Variants in ZNF675 observed in about 807,000 individuals in gnomAD.
The protein encoded by ZNF675 is zinc finger protein 675.
A neutral mutation model predicts 56.1 loss-of-function variants in ZNF675; 36 were observed. The observed-to-expected ratio is 0.64, with a 90% CI of 0.49 to 0.85. The LOEUF (loss-of-function observed/expected upper bound fraction) is 0.85. Ranked by LOEUF, ZNF675 falls within the 40% of genes least tolerant of loss-of-function variation. ZNF675 has a pLI of 0.00. For synonymous variants in ZNF675, 200 were observed against 218.9 expected (o/e 0.91, Z 0.76); for missense variants, 663 against 654.2 (o/e 1.01, Z -0.15).
intron 1 of ZNF675, among the ~76,000 whole-genome samples, chr19:23,663,470 T>A (rs1468761685): frequency 6.6e-6 from 1 of 152,156 alleles, no homozygotes; most frequent in Non-Finnish European, 1.5e-5. Context: ...GGCGGGCAGA[T>A]TACCTGAGGT....
chr19:23,662,987 G>GA, intron 2 of ZNF675, 45 bp downstream of exon 2: 3 of 1,372,902 alleles, frequency 2.2e-6, no homozygotes, highest in African/African-American at 5.3e-5. Context: ...CGTCTCAAAA[G>GA]AAAAACAAAA....
chr19:23,660,832 A>G (rs1968066609), intron 3 of ZNF675, among the ~76,000 whole-genome samples: 1 of 152,220 alleles, frequency 6.6e-6, no homozygotes, highest in South Asian at 2.1e-4. Context: ...AATAAAAAAT[A>G]TAATTCTAAA....
chr19:23,655,042 T>G (rs996602604), intron 3 of ZNF675: 3 of 171,546 alleles, frequency 1.7e-5, no homozygotes, highest in Non-Finnish European at 1.2e-5. Flanking sequence ...AAGACCAGCC[T>G]GGCCAACATA....
intron 3 of ZNF675, chr19:23,656,988 A>C (rs1051173306): frequency 2.1e-4 from 32 of 152,310 alleles, no homozygotes; most frequent in African/African-American, 7.5e-4. Context: ...AAGTTTGAGT[A>C]AAGTGGCACA....
chr19:23,657,653 G>A (rs998647184), intron 3 of ZNF675, among the ~76,000 whole-genome samples: 1 of 152,158 alleles, frequency 6.6e-6, no homozygotes, highest in African/African-American at 2.4e-5. Flanking sequence ...GGAGGCAGAG[G>A]TTGCAGTGGG....
At chr19:23,682,738 A>T (rs986723393) in intron 1 of ZNF675, among the ~76,000 whole-genome samples, 2 of 151,780 alleles carry the variant, frequency 1.3e-5, no homozygotes, top group African/African-American at 4.9e-5. Context: ...TGGTGTCTGA[A>T]ACTATGTGTT....
rs530740271 is a variant in ZNF675, at chr19:23,683,907, T to C, written c.3+3124A>G. On this transcript the variant is annotated intron_variant, in intron 1 of 3. Transcript: ENST00000359788. ...TCTGAAACCCAACTCTTACATGCTC[T>C]TTGCACATATTTTCTTCCCTTTCAA... 1.4e-4 allele frequency among the ~76,000 whole-genome samples: 22 copies of C among 152,256 alleles called. 1 individual carries two copies. The Middle Eastern group carries it at 0.027, about 188-fold the overall frequency.
intron 1 of ZNF675, among the ~76,000 whole-genome samples, chr19:23,682,132 A>C (rs1251643245): frequency 6.6e-6 from 1 of 151,742 alleles, no homozygotes; most frequent in Admixed American, 6.6e-5. Flanking sequence ...AATACTTCTT[A>C]ATCAAACTTC....
At chr19:23,667,672 T>G (rs531383756) in intron 1 of ZNF675, among the ~76,000 whole-genome samples, 42 of 148,610 alleles carry the variant, frequency 2.8e-4, no homozygotes, top group South Asian at 1.1e-3. Flanking sequence ...AGATACAGAG[T>G]GTCAATTGGT....
chr19:23,686,592 CT>C, intron 1 of ZNF675, among the ~76,000 whole-genome samples: 1 of 152,154 alleles, frequency 6.6e-6, no homozygotes, highest in East Asian at 1.9e-4. Context: ...TCCCAAAGTG[CT>C]GGTATTACTG....
intron 1 of ZNF675, among the ~76,000 whole-genome samples, chr19:23,679,479 A>C (rs1206749788): frequency 6.6e-6 from 1 of 151,692 alleles, no homozygotes; most frequent in African/African-American, 2.4e-5. Flanking sequence ...AGGAACCAGC[A>C]AATTTTATAA....
At chr19:23,668,006 CAT>C (rs1451382545) in intron 1 of ZNF675, among the ~76,000 whole-genome samples, 2 of 150,660 alleles carry the variant, frequency 1.3e-5, no homozygotes, top group African/African-American at 2.4e-5. Context: ...CTGGTGCACT[CAT>C]AAACCCTGAG....
At chr19:23,677,097 AG>A (rs1456644094) in intron 1 of ZNF675, among the ~76,000 whole-genome samples, 1 of 76,688 alleles carries the variant, frequency 1.3e-5, no homozygotes, top group African/African-American at 4.7e-5. Flanking sequence ...AAAAGAGAAA[AG>A]AAAAAAAAGA....
chr19:23,674,617 C>CAAA lies in ZNF675; in HGVS notation c.4-11462_4-11460dup, dbSNP rs11461935. Among the ~76,000 whole-genome samples the CAAA allele has an allele frequency of 1.2e-4, 17 of 142,702 alleles. 1 individual carries two copies. The highest frequency in any genetic ancestry group is 3.9e-4 in the African/African-American group (15 of 38,002). 93.6% of individuals were successfully genotyped at this position (142,702 alleles called of 152,430 possible). On this transcript the variant is annotated intron_variant, in intron 1 of 3. Transcript: ENST00000359788. ...TGGTCGACAGAACGAGACTCCGTCT[C>CAAA]AAAAAAAAAAAAGGAGAGAGATAAG...
intron 1 of ZNF675, among the ~76,000 whole-genome samples, chr19:23,678,627 A>C (rs1426676070): frequency 2.7e-5 from 4 of 148,612 alleles, no homozygotes; most frequent in Non-Finnish European, 5.9e-5. Context: ...TAGCCAAGGC[A>C]CTTTTCTAAG....
At chr19:23,659,718 A>T (rs1435527301) in intron 3 of ZNF675, among the ~76,000 whole-genome samples, 2 of 152,164 alleles carry the variant, frequency 1.3e-5, no homozygotes, top group Admixed American at 1.3e-4. Flanking sequence ...ACTTGGTCCC[A>T]CTAAGAATTC....
chr19:23,662,574 A>G (rs987530777), intron 2 of ZNF675, among the ~76,000 whole-genome samples: 1 of 152,242 alleles, frequency 6.6e-6, no homozygotes, highest in African/African-American at 2.4e-5. Context: ...CTATACAGAC[A>G]AATCCTTAAG....
rs951351906 is a variant in ZNF675, at chr19:23,662,157, C to G, written c.183G>C (p.Glu61Asp). Residue 61 changes from glutamate (E) to aspartate (D), a missense_variant, in exon 3 of 4, where the codon GAG becomes GAC. Physicochemically the swap from Glu to Asp is conservative, Grantham distance 45. This residue lies in a region of ZNF675 where 617 missense variants were observed against 590.5 expected (regional missense o/e 1.04). Coordinates refer to ENST00000359788, the MANE Select transcript of ZNF675 (RefSeq NM_138330.3). ...TCTCATGTCTCTTCACAGTCAAAGG[C>G]TCTTTTTCTTGCTCCAGACAGGTGA... ...DLITCLEQEK[E>D]PLTVKRHEMV... The G allele has an allele frequency of 1.2e-5, 20 of 1,613,500 alleles. No homozygotes were observed. Among genetic ancestry groups the G allele is most frequent in the African/African-American group, 4.0e-5 (3 of 74,904 alleles).
intron 1 of ZNF675, among the ~76,000 whole-genome samples, chr19:23,675,824 A>C (rs7253438): frequency 0.97 from 146,872 of 151,312 alleles, 71,580 homozygotes; most frequent in Middle Eastern, 1. Context: ...CCTAAGGTAG[A>C]AGAAAACAAC....
Sources: gnomAD v4.1 joint callset for allele counts (sites outside exome capture counted in the v4.1 genomes callset) on GRCh38, gnomAD v4.1.1 for gene constraint, gnomAD v4.1.1 regional missense constraint, MANE v1.5 for transcripts, NCBI Gene and HGNC (gene_info 2026-07-23, HGNC 2026-07-21) for gene names.